DTNA: variants seen among roughly 807,000 people sequenced by gnomAD.
The protein encoded by DTNA is dystrobrevin alpha, also known as dystrophin-related protein 3.
In DTNA, 43 loss-of-function variants were observed where a neutral mutation model predicts 100.7. The ratio of observed to expected loss-of-function variants is 0.43; its 90% confidence interval spans 0.33 to 0.55. The LOEUF (loss-of-function observed/expected upper bound fraction) is 0.55, where lower values mean the gene tolerates loss of function less well. Ranked by LOEUF, DTNA falls within the 20% of genes least tolerant of loss-of-function variation. The probability of loss-of-function intolerance (pLI) is 0.04; values close to 1 mark genes in which losing one functional copy is unlikely to be tolerated. For synonymous variants in DTNA, 349 were observed against 347.9 expected (o/e 1.00, Z -0.04); for missense variants, 798 against 953.9 (o/e 0.84, Z 2.15).
chr18:34,695,617 T>C (rs73416445), intron 1 of DTNA, among the ~76,000 whole-genome samples: 3,698 of 152,296 alleles, frequency 0.024, 170 homozygotes, highest in African/African-American at 0.085. Flanking sequence ...CAGACATTTC[T>C]AATGGGCTGG....
chr18:34,754,558 G>T (rs375780024), intron 1 of DTNA, among the ~76,000 whole-genome samples: 16 of 152,106 alleles, frequency 1.1e-4, no homozygotes, highest in East Asian at 9.6e-4. Flanking sequence ...ATCACTGTGG[G>T]GCACTCAAAG....
At chr18:34,596,002 G>T (rs1431848949) in intron 1 of DTNA, among the ~76,000 whole-genome samples, 4 of 152,180 alleles carry the variant, frequency 2.6e-5, no homozygotes, top group Non-Finnish European at 1.5e-5. Context: ...AGCCCCACCT[G>T]AGGGCCAAGG....
chr18:34,594,415 A>G (rs2050171269), intron 1 of DTNA, among the ~76,000 whole-genome samples: 1 of 152,208 alleles, frequency 6.6e-6, no homozygotes, highest in Non-Finnish European at 1.5e-5. Context: ...CTGAATAAAT[A>G]CTGTCCATAA....
At chr18:34,701,420 C>T (rs966562275) in intron 1 of DTNA, among the ~76,000 whole-genome samples, 17 of 152,234 alleles carry the variant, frequency 1.1e-4, no homozygotes, top group Middle Eastern at 3.4e-3. Context: ...CATAGAAGCA[C>T]GCTCACATGG....
At chr18:34,584,751 CTG>C (rs1460545799) in intron 1 of DTNA, among the ~76,000 whole-genome samples, 1 of 151,946 alleles carries the variant, frequency 6.6e-6, no homozygotes, top group Non-Finnish European at 1.5e-5. Context: ...ACCAAATGTG[CTG>C]TTATGAGACA....
intron 1 of DTNA, among the ~76,000 whole-genome samples, chr18:34,510,598 A>G (rs929504694): frequency 1.3e-5 from 2 of 150,228 alleles, no homozygotes; most frequent in Non-Finnish European, 3.0e-5. Flanking sequence ...CCTGTGGCTC[A>G]ATGTGACTAG....
At chr18:34,799,377 A>C (rs1190068096) in intron 4 of DTNA, among the ~76,000 whole-genome samples, 2 of 152,220 alleles carry the variant, frequency 1.3e-5, no homozygotes, top group African/African-American at 4.8e-5. Flanking sequence ...CTGTCTTTCG[A>C]ATTTAAAAAA....
intron 1 of DTNA, among the ~76,000 whole-genome samples, chr18:34,585,760 T>G (rs930136446): frequency 1.3e-5 from 2 of 152,198 alleles, no homozygotes; most frequent in Admixed American, 1.3e-4. Context: ...TGTGGGAATA[T>G]GGAATCATCA....
chr18:34,664,985 C>CT lies in DTNA; in HGVS notation c.-1-90978dup, dbSNP rs556245815. ...TTCTATCTTCTATCTTCTTCTTCTT[C>CT]TTTTTTTTTTTTTAAAGGTACTCAT... On this transcript the variant is annotated intron_variant, in intron 1 of 19. Transcript: ENST00000283365. 7.2e-3 allele frequency among the ~76,000 whole-genome samples: 1,021 copies of CT among 141,652 alleles called. 12 individuals are homozygous for CT. The highest frequency in any genetic ancestry group is 0.023 in the African/African-American group (884 of 38,812). The allele number at this position is 141,652 out of a possible 152,430, so 92.9% of individuals were successfully genotyped here.
chr18:34,829,549 G>A, intron 11 of DTNA, 60 bp downstream of exon 11: 1 of 1,410,342 alleles, frequency 7.1e-7, no homozygotes, highest in African/African-American at 1.4e-5. Flanking sequence ...AGACTGATAA[G>A]TCATTCTACT....
intron 1 of DTNA, among the ~76,000 whole-genome samples, chr18:34,500,700 G>A (rs1362730182): frequency 1.3e-5 from 2 of 151,900 alleles, no homozygotes; most frequent in African/African-American, 4.8e-5. Context: ...CTGACCTCAG[G>A]TGATCCACCT....
chr18:34,617,834 T>G (rs1395798576), intron 1 of DTNA, among the ~76,000 whole-genome samples: 1 of 152,200 alleles, frequency 6.6e-6, no homozygotes, highest in Non-Finnish European at 1.5e-5. Context: ...AACATAACTT[T>G]TGTGTGCACT....
chr18:34,829,439 A>C lies in DTNA; in HGVS notation c.1125A>C (p.Glu375Asp), dbSNP rs2095946717. ...EGISASSPVA[E>D]EHSLIKLYVN... ...TAAGTGCATCCAGCCCTGTGGCTGA[A>C]GAGCATTCCCTCATAAAGCTGTACG... is the stretch of plus-strand genomic sequence containing the variant. Residue 375 changes from glutamate (E) to aspartate (D), a missense_variant, in exon 11 of 23, where the codon GAA becomes GAC. Glu to Asp is a conservative substitution (Grantham distance 45). This residue lies in a region of DTNA where 159 missense variants were observed against 201.2 expected (regional missense o/e 0.79). Transcript: ENST00000444659. 6.5e-7 allele frequency: 1 copy of C among 1,534,632 alleles called. No individual in the cohort carries two copies. The highest frequency in any genetic ancestry group is 2.4e-5 in the East Asian group (1 of 40,892).
chr18:34,625,993 G>T (rs2057268947), intron 1 of DTNA, among the ~76,000 whole-genome samples: 1 of 152,142 alleles, frequency 6.6e-6, no homozygotes, highest in South Asian at 2.1e-4. Context: ...CCAAGACAAG[G>T]AATCCGGATT....
chr18:34,826,974 C>T (rs1211235807), intron 9 of DTNA, among the ~76,000 whole-genome samples: 3 of 152,154 alleles, frequency 2.0e-5, no homozygotes, highest in Non-Finnish European at 4.4e-5. Flanking sequence ...CATAAGAAAA[C>T]AAGTGAAGCT....
chr18:34,539,099 A>G (rs1421969845), intron 1 of DTNA, among the ~76,000 whole-genome samples: 2 of 152,072 alleles, frequency 1.3e-5, no homozygotes, highest in African/African-American at 4.8e-5. Flanking sequence ...CACTGTTCAC[A>G]GATCAGATTG....
At chr18:34,848,973 A>T (rs1231686655) in intron 14 of DTNA, among the ~76,000 whole-genome samples, 1 of 152,218 alleles carries the variant, frequency 6.6e-6, no homozygotes, top group East Asian at 1.9e-4. Flanking sequence ...TGTTGCAGTT[A>T]TCAGAGCCCT....
chr18:34,505,098 A>G (rs1206925698), intron 1 of DTNA, among the ~76,000 whole-genome samples: 1 of 152,206 alleles, frequency 6.6e-6, no homozygotes, highest in Non-Finnish European at 1.5e-5. Context: ...CTCAAAAATC[A>G]GTTTCACAGG....
At chr18:34,754,426 A>G (rs1265438350) in intron 1 of DTNA, among the ~76,000 whole-genome samples, 1 of 152,156 alleles carries the variant, frequency 6.6e-6, no homozygotes, top group East Asian at 1.9e-4. Context: ...TATCTCTGCC[A>G]CTACAGTATA....
Sources: gnomAD v4.1 joint callset for allele counts (sites outside exome capture counted in the v4.1 genomes callset) on GRCh38, gnomAD v4.1.1 for gene constraint, gnomAD v4.1.1 regional missense constraint, MANE v1.5 for transcripts, NCBI Gene and HGNC (gene_info 2026-07-23, HGNC 2026-07-21) for gene names.